Variants in BCL2 observed in about 807,000 individuals in gnomAD.
BCL2 encodes the protein BCL2 apoptosis regulator.
Under a neutral mutation model 14.2 loss-of-function variants are expected in BCL2, and 1 was observed. The ratio of observed to expected loss-of-function variants is 0.07; its 90% CI spans 0.02 to 0.33. The LOEUF is 0.33. BCL2 is among the 10% of genes least tolerant of loss of function. The pLI is 0.99. For missense variants in BCL2, 247 were observed against 305.9 expected, an observed-to-expected ratio of 0.81 and a Z score of 1.44; for synonymous variants, 151 against 137.2, an observed-to-expected ratio of 1.10 and a Z score of -0.70.
At chr18:63,256,717 T>A (rs1344800575) in intron 2 of BCL2, among the ~76,000 whole-genome samples, 1 of 152,088 alleles carries the variant, frequency 6.6e-6, no homozygotes, top group African/African-American at 2.4e-5. Context: ...ACTTACAGTT[T>A]AGGGTCACAA....
intron 2 of BCL2, among the ~76,000 whole-genome samples, chr18:63,296,039 G>A (rs955000936): frequency 1.3e-5 from 2 of 152,080 alleles, no homozygotes; most frequent in African/African-American, 4.8e-5. Context: ...CCTTTACACT[G>A]AATATCCACT....
At position 63,228,377 on chromosome 18, in the gene BCL2, T is replaced by A. The variant is rs200490525; in HGVS notation, c.585+89705A>T. 5.3e-5 allele frequency among the ~76,000 whole-genome samples: 8 copies of A among 152,226 alleles called. No individual in the cohort carries two copies. In the East Asian group the frequency reaches 1.5e-3, roughly 29 times the overall value. ...AGGCCTCTGCTCAAGTGTCAACTAATCCAAGAGCTGCCCACGACTACATGA... is the reference window on the plus strand; with the variant it reads ...AGGCCTCTGCTCAAGTGTCAACTAAACCAAGAGCTGCCCACGACTACATGA... On this transcript the variant is annotated intron_variant, in intron 2 of 2. Transcript: ENST00000333681.
chr18:63,178,122 A>G (rs1356763270), intron 2 of BCL2, among the ~76,000 whole-genome samples: 3 of 152,212 alleles, frequency 2.0e-5, no homozygotes, highest in Non-Finnish European at 2.9e-5. Context: ...CCTGGGGGCC[A>G]TGAAAGCATT....
chr18:63,264,927 T>C (rs1911778322), intron 2 of BCL2, among the ~76,000 whole-genome samples: 2 of 92 alleles, frequency 0.022, no homozygotes, highest in Non-Finnish European at 0.042. Context: ...GGCAAGGGGC[T>C]GCAGGGGGCC....
rs1350108839 is a variant in BCL2 at position 63,125,202 on chromosome 18, T to C, written c.*3423A>G. 1.3e-5 allele frequency: 3 copies of C among 224,070 alleles called. No homozygotes were observed. Among genetic ancestry groups the C allele is most frequent in the Non-Finnish European group, 2.7e-5 (3 of 112,360 alleles). 13.9% of individuals were successfully genotyped at this position (224,070 alleles called of 1,614,324 possible). A position where few individuals can be genotyped will look rare whatever the true frequency, so the allele number is the denominator to read the frequency against. On this transcript the variant is annotated 3_prime_UTR_variant, in exon 3 of 3. Transcript: ENST00000333681. Reference sequence around the variant, plus strand: ...TTACTAATAAAACAAAGATCACATATAAATGGAAGGCCACATCTGAACACA... The same window carrying C: ...TTACTAATAAAACAAAGATCACATACAAATGGAAGGCCACATCTGAACACA...
At position 63,127,652 on chromosome 18, in the gene BCL2, A is replaced by G. The variant is rs1486757247; in HGVS notation, c.*973T>C. ...GCTGGGACACAGGCAGGTTCTGCGGACTTCGGTCTCCTAAAAGCAGGCACT... is the reference window on the plus strand; with the variant it reads ...GCTGGGACACAGGCAGGTTCTGCGGGCTTCGGTCTCCTAAAAGCAGGCACT... On this transcript the variant is annotated 3_prime_UTR_variant, in exon 3 of 3. Transcript: ENST00000333681. 2 of 230,108 alleles carry G rather than the reference A, an allele frequency of 8.7e-6. No homozygotes were observed. The highest frequency in any genetic ancestry group is 1.7e-5 in the Non-Finnish European group (2 of 116,104). 14.3% of individuals were successfully genotyped at this position (230,108 alleles called of 1,614,324 possible).
intron 2 of BCL2, among the ~76,000 whole-genome samples, chr18:63,151,829 C>T (rs1490878298): frequency 6.6e-6 from 1 of 152,150 alleles, no homozygotes; most frequent in African/African-American, 2.4e-5. Flanking sequence ...GCCCCCCAAA[C>T]ACTGGCTTTC....
intron 2 of BCL2, among the ~76,000 whole-genome samples, chr18:63,259,519 G>A (rs1156974603): frequency 1.3e-5 from 2 of 152,250 alleles, no homozygotes; most frequent in African/African-American, 2.4e-5. Flanking sequence ...CAGAACAAAG[G>A]AGCAGCATTT....
At chr18:63,267,511 T>C (rs1233890982) in intron 2 of BCL2, among the ~76,000 whole-genome samples, 5 of 152,108 alleles carry the variant, frequency 3.3e-5, no homozygotes, top group Admixed American at 3.3e-4. Context: ...CCTCATCAGT[T>C]TGGAGGACTG....
At chr18:63,178,235 A>G (rs945557724) in intron 2 of BCL2, among the ~76,000 whole-genome samples, 3 of 152,160 alleles carry the variant, frequency 2.0e-5, no homozygotes, top group African/African-American at 7.2e-5. Context: ...GAGATCACCC[A>G]CCACCTGGCT....
At chr18:63,283,742 C>T (rs575365367) in intron 2 of BCL2, among the ~76,000 whole-genome samples, 9 of 152,212 alleles carry the variant, frequency 5.9e-5, no homozygotes, top group South Asian at 4.1e-4. Context: ...CCAGCGATCC[C>T]GGAATTTTCA....
At chr18:63,154,357 T>C (rs1914721954) in intron 2 of BCL2, among the ~76,000 whole-genome samples, 1 of 152,206 alleles carries the variant, frequency 6.6e-6, no homozygotes, top group South Asian at 2.1e-4. Context: ...CTTGCCCCAT[T>C]CAGCTTCCCT....
At chr18:63,287,751 T>TA (rs1184449929) in intron 2 of BCL2, among the ~76,000 whole-genome samples, 3 of 152,074 alleles carry the variant, frequency 2.0e-5, no homozygotes, top group African/African-American at 7.2e-5. Flanking sequence ...AGCAGCAGGA[T>TA]AAAAAAATAA....
chr18:63,174,727 G>T (rs907226717), intron 2 of BCL2, among the ~76,000 whole-genome samples: 1 of 150,726 alleles, frequency 6.6e-6, no homozygotes, highest in African/African-American at 2.5e-5. Context: ...GGCTGAGGCA[G>T]GAGAATTGCT....
intron 2 of BCL2, among the ~76,000 whole-genome samples, chr18:63,246,203 A>T (rs1599266793): frequency 6.6e-6 from 1 of 152,200 alleles, no homozygotes; most frequent in Admixed American, 6.5e-5. Flanking sequence ...GCAAACATAT[A>T]CATGAGGTCA....
intron 2 of BCL2, among the ~76,000 whole-genome samples, chr18:63,308,248 T>C (rs1385471906): frequency 5.9e-5 from 9 of 152,206 alleles, no homozygotes; most frequent in Non-Finnish European, 8.8e-5. Context: ...CCACCTTCAA[T>C]TGGCTGCTTA....
intron 2 of BCL2, among the ~76,000 whole-genome samples, chr18:63,225,933 G>A (rs1910531808): frequency 6.6e-6 from 1 of 152,170 alleles, no homozygotes; most frequent in African/African-American, 2.4e-5. Context: ...GTGTGACACA[G>A]CATTTTACAC....
intron 2 of BCL2, among the ~76,000 whole-genome samples, chr18:63,218,030 C>T (rs1910254880): frequency 6.6e-6 from 1 of 152,078 alleles, no homozygotes. Context: ...GAAAGATAGG[C>T]CCCAGAACAT....
At chr18:63,235,591 A>G (rs1910805932) in intron 2 of BCL2, among the ~76,000 whole-genome samples, 2 of 151,146 alleles carry the variant, frequency 1.3e-5, no homozygotes, top group African/African-American at 4.8e-5. Flanking sequence ...GAAAGATAAA[A>G]CCATGCATGG....
Sources: gnomAD v4.1 joint callset for allele counts (sites outside exome capture counted in the v4.1 genomes callset) on GRCh38, gnomAD v4.1.1 for gene constraint, MANE v1.5 for transcripts, NCBI Gene and HGNC (gene_info 2026-07-23, HGNC 2026-07-21) for gene names.